Variants in ACACA observed in about 807,000 individuals in gnomAD.
ACACA encodes acetyl-CoA carboxylase alpha.
Under a neutral mutation model 296.1 loss-of-function variants are expected in ACACA, and 103 were observed. That is an observed-to-expected ratio of 0.35 (90% confidence interval 0.30 to 0.41). ACACA has a LOEUF of 0.41. Among genes scored for constraint, ACACA ranks in the 10% least tolerant of loss-of-function variants. The pLI is 1.00. For synonymous variants in ACACA, 953 were observed against 1,038.6 expected (o/e 0.92, Z 1.58); for missense variants, 1,554 against 2,989.7 (o/e 0.52, Z 11.20).
intron 1 of ACACA, among the ~76,000 whole-genome samples, chr17:37,374,352 T>G (rs966132965): frequency 9.3e-5 from 14 of 151,186 alleles, no homozygotes; most frequent in African/African-American, 3.4e-4. Flanking sequence ...AATGGTGCAA[T>G]CTCGGCTCAC....
intron 10 of ACACA, among the ~76,000 whole-genome samples, chr17:37,264,746 G>C (rs145389167): frequency 6.6e-6 from 1 of 152,248 alleles, no homozygotes; most frequent in East Asian, 1.9e-4. Context: ...AGTACATGAT[G>C]TTAGACCATT....
chr17:37,115,277 A>G (rs2074192279), intron 50 of ACACA, among the ~76,000 whole-genome samples: 1 of 152,230 alleles, frequency 6.6e-6, no homozygotes, highest in Non-Finnish European at 1.5e-5. Context: ...CTCAGTTCAA[A>G]TTATTTTAAC....
At chr17:37,326,778 G>A (rs929615769) in intron 3 of ACACA, among the ~76,000 whole-genome samples, 11 of 151,682 alleles carry the variant, frequency 7.3e-5, no homozygotes, top group Admixed American at 3.3e-4. Context: ...GCAGTGAGCC[G>A]AGATGGTACC....
At chr17:37,128,023 TCAAAAA>T (rs1434728182) in intron 47 of ACACA, among the ~76,000 whole-genome samples, 4 of 22,532 alleles carry the variant, frequency 1.8e-4, no homozygotes, top group Non-Finnish European at 3.1e-4. Flanking sequence ...AAACTCCATC[TCAAAAA>T]AAAAAAAAAA....
At chr17:37,100,959 T>C (rs1205843698) in intron 52 of ACACA, among the ~76,000 whole-genome samples, 3 of 152,024 alleles carry the variant, frequency 2.0e-5, no homozygotes, top group Admixed American at 2.0e-4. Flanking sequence ...TAGCCAGGCA[T>C]GGTGGCACAT....
Position 37,225,067 on chromosome 17 carries a change from G to C in ACACA, c.3399C>G (p.Arg1133=), listed in dbSNP as rs752108139. The C allele has an allele frequency of 6.2e-7, 1 of 1,613,014 alleles. No homozygotes were observed. The highest frequency in any genetic ancestry group is 8.5e-7 in the Non-Finnish European group (1 of 1,179,450). ...IASHLPSYEL[R]HNQVESIFLS... is the part of the protein sequence containing the mutation. ...GGAAGATAGACTCTACTTGGTTATG[G>C]CGAAGCTCATATGATGGCAAATGGG... The change falls in exon 27 of 56, where the codon CGC becomes CGG. Residue 1133 remains arginine (R), a synonymous_variant. Transcript: ENST00000616317.
Position 37,259,534 on chromosome 17 carries a change from A to G in ACACA, c.1330-4T>C. On this transcript the variant is annotated splice_region_variant and splice_polypyrimidine_tract_variant and intron_variant, in intron 11 of 55. Coordinates refer to ENST00000616317, the MANE Select transcript of ACACA (RefSeq NM_198834.3). ...TTTTGGCAAGTTTCACCGCACACTC[A>G]AAGAAGAGAGATAAGCAAACATAAG... 6.2e-7 allele frequency: 1 copy of G among 1,614,156 alleles called. No homozygotes were observed. Among genetic ancestry groups the G allele is most frequent in the Non-Finnish European group, 8.5e-7 (1 of 1,179,980 alleles).
chr17:37,200,824 T>C (rs2078213399), intron 33 of ACACA, among the ~76,000 whole-genome samples: 1 of 152,232 alleles, frequency 6.6e-6, no homozygotes. Context: ...GTTGGGCATG[T>C]ATTCAAATGT....
At position 37,248,657 on chromosome 17, in the gene ACACA, G is replaced by T; in HGVS notation, c.2099C>A (p.Ala700Asp). The T allele has an allele frequency of 6.2e-7, 1 of 1,610,512 alleles. No individual in the cohort carries two copies. The highest frequency in any genetic ancestry group is 1.3e-5 in the African/African-American group (1 of 74,906). Residue 700 changes from alanine to aspartate, a missense_variant, in exon 17 of 56, where the codon GCT becomes GAT. Around this residue, in one of 16 missense-constraint regions of ACACA, gnomAD observed 316 missense variants for 540.9 expected, o/e 0.58. Transcript: ENST00000616317. ...ATCTACTGTATTCAGAAGTGTATGA[G>T]CAGGAAGGACTTGACCCCTGAAAGA... is the stretch of plus-strand genomic sequence containing the variant. ...HSLERGQVLPAHTLLNTVDVE... is the reference protein window; with the variant it reads ...HSLERGQVLPDHTLLNTVDVE...
At position 37,390,330 on chromosome 17, in the gene ACACA, A is replaced by ATATATATAATATATATATATC. The variant is rs1386032855; in HGVS notation, c.38+15931_38+15932insGATATATATATATTATATATA. Among the ~76,000 whole-genome samples the ATATATATAATATATATATATC allele has an allele frequency of 1.9e-4, 8 of 41,592 alleles. 2 individuals carry two copies. Among genetic ancestry groups the ATATATATAATATATATATATC allele is most frequent in the African/African-American group, 7.7e-4 (6 of 7,838 alleles). 27.3% of individuals were successfully genotyped at this position (41,592 alleles called of 152,430 possible). On this transcript the variant is annotated intron_variant, in intron 1 of 55. Coordinates refer to ENST00000616317, the MANE Select transcript of ACACA (RefSeq NM_198834.3). Reference sequence around the variant, plus strand: ...TATATATATATATATATATATATATATATAAAAGGCCAGCTGGGCCGGGCA... The same window carrying ATATATATAATATATATATATC: ...TATATATATATATATATATATATATATATATATAATATATATATATCTATAAAAGGCCAGCTGGGCCGGGCA...
chr17:37,232,508 G>A (rs1440004284), intron 25 of ACACA, among the ~76,000 whole-genome samples: 1 of 152,154 alleles, frequency 6.6e-6, no homozygotes, highest in Non-Finnish European at 1.5e-5. Flanking sequence ...GGGAGAGGAA[G>A]AAGGAAGGGG....
intron 3 of ACACA, among the ~76,000 whole-genome samples, chr17:37,305,520 G>A (rs1382977663): frequency 6.6e-6 from 1 of 152,194 alleles, no homozygotes; most frequent in Non-Finnish European, 1.5e-5. Context: ...ATATAGAGTA[G>A]TGCATTCAAA....
chr17:37,103,887 C>T (rs868394323), intron 52 of ACACA, among the ~76,000 whole-genome samples: 1 of 152,040 alleles, frequency 6.6e-6, no homozygotes, highest in African/African-American at 2.4e-5. Context: ...TGCATGCCCC[C>T]CAAAATTAGC....
chr17:37,290,891 G>T (rs1230593287), intron 3 of ACACA, among the ~76,000 whole-genome samples: 3 of 151,936 alleles, frequency 2.0e-5, no homozygotes, highest in African/African-American at 7.3e-5. Context: ...GGCCATCCTG[G>T]CCAACAAGGT....
intron 29 of ACACA, among the ~76,000 whole-genome samples, chr17:37,213,428 A>G (rs2078847759): frequency 6.6e-6 from 1 of 151,960 alleles, no homozygotes; most frequent in African/African-American, 2.4e-5. Flanking sequence ...CATAAATGGG[A>G]CATAAATTCA....
intron 14 of ACACA, 90 bp from the exon 15 acceptor site, chr17:37,253,126 T>A: frequency 6.4e-7 from 1 of 1,570,204 alleles, no homozygotes; most frequent in South Asian, 1.1e-5. Flanking sequence ...GCATGGTGGC[T>A]CACGCCTGTA....
chr17:37,111,115 A>G (rs1266175), intron 52 of ACACA, among the ~76,000 whole-genome samples: 82,157 of 151,878 alleles, frequency 0.54, 24,461 homozygotes, highest in African/African-American at 0.77. Flanking sequence ...CCGGAACACC[A>G]CCTGGGTAAA....
intron 52 of ACACA, among the ~76,000 whole-genome samples, chr17:37,109,189 G>A (rs140485716): frequency 5.9e-5 from 9 of 152,284 alleles, no homozygotes; most frequent in Non-Finnish European, 1.2e-4. Flanking sequence ...CTGCTTTGTC[G>A]CAGAGACAGC....
chr17:37,363,413 C>T (rs1169719366), intron 1 of ACACA, among the ~76,000 whole-genome samples: 1 of 151,546 alleles, frequency 6.6e-6, no homozygotes. Flanking sequence ...AAACTCCTGA[C>T]CTTGTGATCC....
Sources: allele counts gnomAD v4.1 joint callset (sites outside exome capture counted in the v4.1 genomes callset), GRCh38; gene constraint gnomAD v4.1.1; regional missense constraint gnomAD v4.1.1; transcripts MANE v1.5; gene names NCBI Gene and HGNC (gene_info 2026-07-23, HGNC 2026-07-21).